NAV2: variants seen among roughly 807,000 people sequenced by gnomAD.
NAV2 encodes the protein helicase, APC down-regulated 1.
A neutral mutation model predicts 223.2 loss-of-function variants in NAV2; 54 were observed. That is an observed-to-expected ratio of 0.24 (90% CI 0.19 to 0.30). The LOEUF (loss-of-function observed/expected upper bound fraction) is 0.30, where lower values mean the gene tolerates loss of function less well. Among genes scored for constraint, NAV2 ranks in the 10% least tolerant of loss-of-function variants. The pLI is 1.00. For synonymous variants in NAV2, 1,279 were observed against 1,239.3 expected, an observed-to-expected ratio of 1.03 and a Z score of -0.67; for missense variants, 2,806 against 3,147.5, an observed-to-expected ratio of 0.89 and a Z score of 2.60.
intron 1 of NAV2, among the ~76,000 whole-genome samples, chr11:19,604,394 A>G (rs10741784): frequency 0.73 from 110,124 of 151,590 alleles, 48,015 homozygotes; most frequent in Non-Finnish European, 0.96. Context: ...TGGTGTATAG[A>G]GTGTGAAAAA....
At chr11:19,472,387 G>T (rs906662653) in intron 1 of NAV2, among the ~76,000 whole-genome samples, 1 of 152,152 alleles carries the variant, frequency 6.6e-6, no homozygotes, top group African/African-American at 2.4e-5. Context: ...TTACCTTATA[G>T]AGTTGTCCCG....
chr11:19,831,228 G>GC (rs1343393170), intron 1 of NAV2, among the ~76,000 whole-genome samples: 9 of 110,934 alleles, frequency 8.1e-5, no homozygotes, highest in South Asian at 3.6e-4. Context: ...TGTTGCGGGG[G>GC]GGGGGGGGGC....
rs771035760 is a variant in NAV2 at position 20,114,724 on chromosome 11, G to A, written c.7093G>A (p.Gly2365Ser). ...QLRPEDVGFD[G>S]YSMPREGSTS... ...ACGGCCTGAGGATGTCGGCTTCGACGGCTACTCCATGCCTCGGGAGGGATC... is the reference window on the plus strand; with the variant it reads ...ACGGCCTGAGGATGTCGGCTTCGACAGCTACTCCATGCCTCGGGAGGGATC... The change falls in exon 37 of 38, where the codon GGC becomes AGC. Residue 2365 changes from glycine to serine, a missense_variant. Gly to Ser is a moderately conservative substitution (Grantham distance 56). Coordinates refer to ENST00000349880, the MANE Select transcript of NAV2 (RefSeq NM_145117.5). 2.5e-5 allele frequency: 41 copies of A among 1,613,940 alleles called. No homozygotes were observed. In the South Asian group the frequency reaches 3.5e-4, roughly 14 times the overall value.
At chr11:19,665,170 C>G (rs887830201) in intron 1 of NAV2, among the ~76,000 whole-genome samples, 7 of 152,190 alleles carry the variant, frequency 4.6e-5, no homozygotes, top group Admixed American at 4.6e-4. Flanking sequence ...ATCAAGAGAA[C>G]AGAAACTGCC....
chr11:19,942,672 C>A (rs1429033720), intron 8 of NAV2, among the ~76,000 whole-genome samples: 1 of 152,202 alleles, frequency 6.6e-6, no homozygotes, highest in African/African-American at 2.4e-5. Flanking sequence ...AGATGAGACA[C>A]CATCCCCAAC....
At chr11:19,925,083 ATCT>A (rs1373179333) in intron 6 of NAV2, among the ~76,000 whole-genome samples, 3 of 152,176 alleles carry the variant, frequency 2.0e-5, no homozygotes, top group Non-Finnish European at 4.4e-5. Flanking sequence ...CCATTTGCAT[ATCT>A]TCTTTTGAGA....
chr11:19,889,730 C>A (rs756772575), intron 5 of NAV2, among the ~76,000 whole-genome samples: 1 of 152,190 alleles, frequency 6.6e-6, no homozygotes, highest in Non-Finnish European at 1.5e-5. Flanking sequence ...CTTAGTTAAT[C>A]CCAAACCACG....
At chr11:20,045,726 G>C in intron 14 of NAV2, 56 bp downstream of exon 14, 1 of 1,394,596 alleles carries the variant, frequency 7.2e-7, no homozygotes, top group Non-Finnish European at 9.9e-7. Context: ...AATGGATTTA[G>C]TAATTTCCTG....
At position 19,630,478 on chromosome 11, in the gene NAV2, A is replaced by C. The variant is rs148344100; in HGVS notation, c.76-202006A>C. On this transcript the variant is annotated intron_variant, in intron 1 of 37. Transcript: ENST00000360655. Reference sequence around the variant, plus strand: ...TCCAAGAAGACATGATGGTGAGAAGAGCAAGGCAAAAGGGAAAGAAGACAA... The same window carrying C: ...TCCAAGAAGACATGATGGTGAGAAGCGCAAGGCAAAAGGGAAAGAAGACAA... Among the ~76,000 whole-genome samples the C allele has an allele frequency of 2.1e-4, 32 of 152,350 alleles. No homozygotes were observed. The East Asian group carries it at 6.0e-3, about 28-fold the overall frequency.
chr11:19,455,341 T>C (rs1851924702), intron 1 of NAV2, among the ~76,000 whole-genome samples: 1 of 152,232 alleles, frequency 6.6e-6, no homozygotes, highest in African/African-American at 2.4e-5. Flanking sequence ...ACCATATCCC[T>C]AGCACCTAGA....
At position 20,118,251 on chromosome 11, in the gene NAV2, C is replaced by G. The variant is rs1414639635; in HGVS notation, c.7283C>G (p.Thr2428Ser). ...DDILDSSLES[T>S]L Reference sequence around the variant, plus strand: ...ATCTTGGACTCCTCTTTGGAGTCCACTCTGTGACAGGGGCCCGGAGCCCAG... The same window carrying G: ...ATCTTGGACTCCTCTTTGGAGTCCAGTCTGTGACAGGGGCCCGGAGCCCAG... The change falls in exon 38 of 38, where the codon ACT (threonine) becomes AGT (serine). Residue 2428 changes from threonine to serine, a missense_variant. Physicochemically the swap from Thr to Ser is moderately conservative, Grantham distance 58. Coordinates refer to ENST00000349880, the MANE Select transcript of NAV2 (RefSeq NM_145117.5). 3.1e-6 allele frequency: 5 copies of G among 1,613,876 alleles called. No individual in the cohort carries two copies. Among genetic ancestry groups the G allele is most frequent in the Non-Finnish European group, 4.2e-6 (5 of 1,179,950 alleles).
At chr11:20,049,642 T>C (rs558095610) in intron 15 of NAV2, among the ~76,000 whole-genome samples, 194 bp from the exon 16 acceptor site, 56 of 152,180 alleles carry the variant, frequency 3.7e-4, no homozygotes, top group African/African-American at 1.3e-3. Flanking sequence ...CCTGGACTGA[T>C]AGGAAATCAA....
At chr11:19,485,008 G>A (rs1292945643) in intron 1 of NAV2, among the ~76,000 whole-genome samples, 1 of 132,720 alleles carries the variant, frequency 7.5e-6, no homozygotes, top group Non-Finnish European at 1.6e-5. Context: ...TGTGTCTTGG[G>A]ATACCTTCAG....
At chr11:19,771,558 A>G (rs550586752) in intron 1 of NAV2, among the ~76,000 whole-genome samples, 2 of 151,492 alleles carry the variant, frequency 1.3e-5, no homozygotes, top group African/African-American at 2.4e-5. Flanking sequence ...AGGAGACACT[A>G]CTCTACCCAG....
At position 19,859,454 on chromosome 11, in the gene NAV2, G is replaced by A. The variant is rs990888104; in HGVS notation, c.439-9471G>A. Among the ~76,000 whole-genome samples, 20 of 147,616 alleles carry A rather than the reference G, an allele frequency of 1.4e-4. No homozygotes were observed. In the Admixed American group the frequency reaches 1.4e-3, roughly 10 times the overall value. Reference sequence around the variant, plus strand: ...ACATGTTTCACAGAGCACAGGGTTGGGGGTAAGGTCACAGATCAACAGGAT... The same window carrying A: ...ACATGTTTCACAGAGCACAGGGTTGAGGGTAAGGTCACAGATCAACAGGAT... On this transcript the variant is annotated intron_variant, in intron 3 of 37. Coordinates refer to ENST00000349880, the MANE Select transcript of NAV2 (RefSeq NM_145117.5).
chr11:20,105,622 C>A lies in NAV2; in HGVS notation c.6736C>A (p.Arg2246=), dbSNP rs142419246. The A allele has an allele frequency of 1.9e-6, 3 of 1,613,882 alleles. No homozygotes were observed. The East Asian group carries it at 6.7e-5, about 36-fold the overall frequency. The change falls in exon 35 of 38, where the codon CGG becomes AGG. Residue 2246 remains arginine, a synonymous_variant. Coordinates refer to ENST00000349880, the MANE Select transcript of NAV2 (RefSeq NM_145117.5). ...GCTCATGGAAACAGAGATCAGTGGGCGGGTGCGCAATATGGAGCTGGTAAA... is the reference window on the plus strand; with the variant it reads ...GCTCATGGAAACAGAGATCAGTGGGAGGGTGCGCAATATGGAGCTGGTAAA... ...RKLMETEISG[R]VRNMELVKII...
chr11:19,873,328 G>C (rs2153064233), intron 4 of NAV2, among the ~76,000 whole-genome samples: 1 of 152,204 alleles, frequency 6.6e-6, no homozygotes, highest in African/African-American at 2.4e-5. Flanking sequence ...ACTTTTGCTG[G>C]GGCTCTCAGT....
chr11:20,051,334 G>T lies in NAV2; in HGVS notation c.4481+1G>T. ...ACACTTTGCCTAAGAAAGGACTCAG[G>T]TATCTGTGTTTCCTCCTTGCATCTG... On this transcript the variant is annotated splice_donor_variant, in intron 17 of 37. Coordinates refer to ENST00000349880, the MANE Select transcript of NAV2 (RefSeq NM_145117.5). LOFTEE classifies it high-confidence loss of function. The T allele has an allele frequency of 6.2e-7, 1 of 1,613,970 alleles. No homozygotes were observed. The highest frequency in any genetic ancestry group is 8.5e-7 in the Non-Finnish European group (1 of 1,179,830).
chr11:19,355,098 T>C (rs1564871715), intron 1 of NAV2, among the ~76,000 whole-genome samples: 2 of 152,198 alleles, frequency 1.3e-5, no homozygotes, highest in African/African-American at 4.8e-5. Flanking sequence ...CTAGCATAGA[T>C]TGGCGAAGTA....
Sources: allele counts gnomAD v4.1 joint callset (sites outside exome capture counted in the v4.1 genomes callset), GRCh38; gene constraint gnomAD v4.1.1; transcripts MANE v1.5; gene names NCBI Gene and HGNC (gene_info 2026-07-23, HGNC 2026-07-21).